PAK1: variants seen among roughly 807,000 people sequenced by gnomAD.
The protein encoded by PAK1 is serine/threonine-protein kinase PAK 1.
Under a neutral mutation model 67.4 loss-of-function variants are expected in PAK1, and 29 were observed. The observed-to-expected ratio is 0.43, with a 90% CI of 0.32 to 0.59. The LOEUF is 0.59. Ranked by LOEUF, PAK1 falls within the 20% of genes least tolerant of loss-of-function variation. PAK1 has a pLI of 0.07. For synonymous variants in PAK1, 223 were observed against 237.4 expected (o/e 0.94, Z 0.56); for missense variants, 337 against 670.7 (o/e 0.50, Z 5.50).
intron 6 of PAK1, among the ~76,000 whole-genome samples, chr11:77,357,270 C>T (rs1946160881): frequency 1.3e-5 from 2 of 152,058 alleles, no homozygotes; most frequent in South Asian, 4.2e-4. Flanking sequence ...GACCATGCTA[C>T]CTTTTGACTG....
At chr11:77,382,951 T>C (rs2137172820) in intron 2 of PAK1, among the ~76,000 whole-genome samples, 1 of 152,206 alleles carries the variant, frequency 6.6e-6, no homozygotes, top group South Asian at 2.1e-4. Context: ...GAACTGAAAT[T>C]GTACCACTGC....
intron 5 of PAK1, among the ~76,000 whole-genome samples, chr11:77,366,066 C>G (rs542711043): frequency 2.3e-4 from 35 of 152,214 alleles, no homozygotes; most frequent in African/African-American, 7.2e-4. Context: ...ATTCAAACAG[C>G]TGAAATTTTT....
chr11:77,466,428 C>T (rs1297792230), intron 1 of PAK1, among the ~76,000 whole-genome samples: 1 of 152,030 alleles, frequency 6.6e-6, no homozygotes, highest in South Asian at 2.1e-4. Flanking sequence ...ACGGTGAAAC[C>T]CTGTCTCTAC....
At chr11:77,346,925 A>G (rs1273491838) in intron 9 of PAK1, 14 of 428,512 alleles carry the variant, frequency 3.3e-5, no homozygotes, top group Non-Finnish European at 6.5e-5. Context: ...TTGAAAAATA[A>G]TTGTTGGATA....
At chr11:77,502,388 C>T in the PAK1 span, among the ~76,000 whole-genome samples, 2 of 152,100 alleles carry the variant, frequency 1.3e-5, no homozygotes, top group African/African-American at 4.8e-5. Flanking sequence ...TAAAACTAAA[C>T]GTTTATTGTT....
chr11:77,347,013 C>T (rs1338197094), intron 9 of PAK1: 1 of 456,108 alleles, frequency 2.2e-6, no homozygotes, highest in African/African-American at 2.0e-5. Flanking sequence ...AGCTGGATAA[C>T]CCCCAATAAG....
At chr11:77,410,018 A>G (rs1265501781) in intron 1 of PAK1, among the ~76,000 whole-genome samples, 2 of 151,962 alleles carry the variant, frequency 1.3e-5, no homozygotes, top group African/African-American at 4.8e-5. Context: ...ACAAATAACC[A>G]CTATCTTGTC....
chr11:77,420,967 C>T (rs1955228770), intron 1 of PAK1, among the ~76,000 whole-genome samples: 1 of 152,196 alleles, frequency 6.6e-6, no homozygotes, highest in African/African-American at 2.4e-5. Flanking sequence ...AATATTACAA[C>T]ATCCTTTTTA....
At chr11:77,470,446 T>C (rs1409488702) in intron 1 of PAK1, among the ~76,000 whole-genome samples, 3 of 152,204 alleles carry the variant, frequency 2.0e-5, no homozygotes, top group Admixed American at 2.0e-4. Context: ...CACTCTTGTA[T>C]ATAGCTGAAC....
At chr11:77,463,794 A>T (rs1261291769) in intron 1 of PAK1, among the ~76,000 whole-genome samples, 4 of 152,088 alleles carry the variant, frequency 2.6e-5, no homozygotes, top group African/African-American at 9.7e-5. Context: ...TCCCACTCCA[A>T]CTTCATCTCA....
the PAK1 span, among the ~76,000 whole-genome samples, chr11:77,527,419 A>T: frequency 1.3e-5 from 2 of 152,198 alleles, no homozygotes; most frequent in Admixed American, 1.3e-4. Flanking sequence ...ATTAATTTAT[A>T]GAGCATTTAT....
At chr11:77,377,302 A>G (rs2137038566) in intron 4 of PAK1, among the ~76,000 whole-genome samples, 1 of 152,322 alleles carries the variant, frequency 6.6e-6, no homozygotes, top group Middle Eastern at 3.4e-3. Context: ...AGGTAGTATT[A>G]TCATAACTAA....
chr11:77,376,785 C>T (rs965080776), intron 4 of PAK1, among the ~76,000 whole-genome samples: 3 of 148,736 alleles, frequency 2.0e-5, no homozygotes, highest in African/African-American at 7.4e-5. Flanking sequence ...AAATACTTGA[C>T]AAAAAAATTA....
the PAK1 span, among the ~76,000 whole-genome samples, chr11:77,495,563 A>G: frequency 1.3e-5 from 2 of 152,206 alleles, no homozygotes; most frequent in South Asian, 2.1e-4. Context: ...AATTGAAACC[A>G]GGGTCTCAAA....
At chr11:77,360,396 A>AAT (rs1212958497) in intron 5 of PAK1, among the ~76,000 whole-genome samples, 1 of 152,126 alleles carries the variant, frequency 6.6e-6, no homozygotes, top group African/African-American at 2.4e-5. Context: ...GATGACCTTA[A>AAT]ATCGCTTTAA....
rs1039594961 is a variant in PAK1 at position 77,466,773 on chromosome 11, G to A, written c.-22+6779C>T. On this transcript the variant is annotated intron_variant, in intron 1 of 14. Transcript: ENST00000356341. ...TACCACACCGCAAAAGTCTAAGACG[G>A]CTATGGTGTAATAGAAAAAGCATGA... Among the ~76,000 whole-genome samples, 3 of 152,126 alleles carry A rather than the reference G, an allele frequency of 2.0e-5. No homozygotes were observed. The South Asian group carries it at 6.2e-4, about 32-fold the overall frequency.
intron 1 of PAK1, among the ~76,000 whole-genome samples, chr11:77,446,936 A>C (rs1327222784): frequency 6.6e-6 from 1 of 152,126 alleles, no homozygotes; most frequent in Non-Finnish European, 1.5e-5. Flanking sequence ...AAGAAGCTGT[A>C]ATCTAGAGCC....
intron 2 of PAK1, 30 bp from the exon 3 acceptor site, chr11:77,380,024 A>G (rs1278164165): frequency 1.7e-5 from 26 of 1,533,540 alleles, no homozygotes; most frequent in African/African-American, 2.7e-5. Context: ...AAGGAAATAA[A>G]AAACAGGAAC....
rs536604800 is a variant in PAK1, at chr11:77,355,622, C to T, written c.772+46G>A. ...ACGACCAGCAAATCTCTGTGCTTGA[C>T]CAGTCATAAAACGAAGAAAGGTTCA... is the stretch of plus-strand genomic sequence containing the variant. On this transcript the variant is annotated intron_variant, in intron 7 of 14. Coordinates refer to ENST00000356341, the MANE Select transcript of PAK1 (RefSeq NM_002576.5). 137 of 1,495,714 alleles carry T rather than the reference C, an allele frequency of 9.2e-5. No individual in the cohort carries two copies. The South Asian group carries it at 1.3e-3, about 14-fold the overall frequency. 92.7% of individuals were successfully genotyped at this position (1,495,714 alleles called of 1,614,324 possible). A position where few individuals can be genotyped will look rare whatever the true frequency, so the allele number is the denominator to read the frequency against.
Sources: gnomAD v4.1 joint callset for allele counts (sites outside exome capture counted in the v4.1 genomes callset) on GRCh38, gnomAD v4.1.1 for gene constraint, MANE v1.5 for transcripts, NCBI Gene and HGNC (gene_info 2026-07-23, HGNC 2026-07-21) for gene names.